The following ABCA7 variants were observed in gnomAD, a reference collection of about 807,000 sequenced individuals.
The protein encoded by ABCA7 is ATP binding cassette subfamily A member 7, also known as phospholipid-transporting ATPase ABCA7.
Under a neutral mutation model 227.6 loss-of-function variants are expected in ABCA7, and 261 were observed. The ratio of observed to expected loss-of-function variants is 1.15; its 90% CI spans 1.04 to 1.27. ABCA7 has a LOEUF of 1.27. ABCA7 is among the 50% of genes most tolerant of loss of function. The pLI is 0.00. For missense variants in ABCA7, 3,331 were observed against 2,924.5 expected (o/e 1.14, Z -3.21); for synonymous variants, 1,488 against 1,279.7 (o/e 1.16, Z -3.47).
In ABCA7 at chr19:1,044,991, G is replaced by C. The variant is rs754187080; in HGVS notation, c.1216-11G>C. ...ACCCCAGCGCCTAGGACTCACCCCC[G>C]CATCCCACAGTGCCTGTCCTTGGAC... On this transcript the variant is annotated splice_polypyrimidine_tract_variant and intron_variant, in intron 11 of 46. Coordinates refer to ENST00000263094, the MANE Select transcript of ABCA7 (RefSeq NM_019112.4). 6.2e-7 allele frequency: 1 copy of C among 1,611,758 alleles called. No individual in the cohort carries two copies. Among genetic ancestry groups the C allele is most frequent in the Admixed American group, 1.7e-5 (1 of 59,978 alleles).
intron 7 of ABCA7, 83 bp downstream of exon 7, chr19:1,042,909 G>A: frequency 2.0e-6 from 3 of 1,512,878 alleles, no homozygotes; most frequent in East Asian, 2.3e-5. Context: ...GGCAGCCCGG[G>A]CACTTCCCTT....
At chr19:1,061,385 C>T (rs1213710897) in intron 40 of ABCA7, among the ~76,000 whole-genome samples, 8 of 103,326 alleles carry the variant, frequency 7.7e-5, no homozygotes, top group Admixed American at 5.0e-4. Context: ...AGCAAGGCTC[C>T]GTCTCAAAAA....
chr19:1,054,511 C>T lies in ABCA7; in HGVS notation c.3727-59C>T. ...GGTGGTTGTAGAGCAGGAGCAGGGA[C>T]AGGTGCAAGCAAGCCTGGAGGGTGG... is the stretch of plus-strand genomic sequence containing the variant. On this transcript the variant is annotated intron_variant, in intron 27 of 46. Coordinates refer to ENST00000263094, the MANE Select transcript of ABCA7 (RefSeq NM_019112.4). The surrounding 1 kb of genome is among the most constrained non-coding windows in gnomAD (Gnocchi z 4.8). The T allele has an allele frequency of 8.2e-6, 13 of 1,585,804 alleles. No homozygotes were observed. The highest frequency in any genetic ancestry group is 1.1e-5 in the Non-Finnish European group (13 of 1,163,914).
Position 1,064,927 on chromosome 19 carries a change from G to A in ABCA7, c.6045-4G>A. The stretch of plus-strand genomic sequence containing the variant: ...TCCGGTAGCCCTGGCCCCACTCACT[G>A]CAGATTCGCGGCGGGTCACACACTG... On this transcript the variant is annotated splice_polypyrimidine_tract_variant and splice_region_variant and intron_variant, in intron 45 of 46. Coordinates refer to ENST00000263094, the MANE Select transcript of ABCA7 (RefSeq NM_019112.4). 1.9e-6 allele frequency: 3 copies of A among 1,557,384 alleles called. No individual in the cohort carries two copies. The highest frequency in any genetic ancestry group is 2.6e-6 in the Non-Finnish European group (3 of 1,152,088).
Position 1,056,944 on chromosome 19 carries a change from G to T in ABCA7, c.4624G>T (p.Val1542Leu). The change falls in exon 34 of 47, where the codon GTG becomes TTG. Residue 1542 changes from valine (V) to leucine (L), a missense_variant. Val to Leu is a conservative substitution (Grantham distance 32). Transcript: ENST00000263094. This position sits in a 1 kb window ranked among gnomAD's most constrained non-coding sequence, Gnocchi z 4.3. ...GGTGGACGTCCTCGTCTCCATCTGT[G>T]TGGTCTTTGCCATGTCCTTTGTCCC... ...SSVDVLVSIC[V>L]VFAMSFVPAS... The T allele has an allele frequency of 6.2e-7, 1 of 1,614,038 alleles. No homozygotes were observed.
Position 1,047,033 on chromosome 19 carries a change from G to A in ABCA7, c.1845+9G>A, listed in dbSNP as rs548005256. The A allele has an allele frequency of 7.3e-5, 114 of 1,555,458 alleles. No individual in the cohort carries two copies. Among genetic ancestry groups the A allele is most frequent in the South Asian group, 2.7e-4 (23 of 85,252 alleles). ...TGGTTCTGGTGCTCAAGGTGGGCGC[G>A]CCTCGGCCTGCCCGGCTGCAGAATG... On this transcript the variant is annotated intron_variant, in intron 14 of 46. Coordinates refer to ENST00000263094, the MANE Select transcript of ABCA7 (RefSeq NM_019112.4).
In ABCA7 at chr19:1,056,252, T is replaced by TG. The variant is rs546021572; in HGVS notation, c.4416+16dup. 2.1e-5 allele frequency: 33 copies of TG among 1,590,060 alleles called. No homozygotes were observed. Among genetic ancestry groups the TG allele is most frequent in the Middle Eastern group, 1.7e-4 (1 of 5,988 alleles). ...CTCAGGACAGTCTCAAGGTGGGAAC[T>TG]GGGGGGGCAGGTGGGCGTCCTGTCA... On this transcript the variant is annotated intron_variant, in intron 32 of 46. Transcript: ENST00000263094. This position sits in a 1 kb window ranked among gnomAD's most constrained non-coding sequence, Gnocchi z 4.3.
At chr19:1,057,828 G>C (rs1431512583) in intron 35 of ABCA7, 87 bp from the exon 36 acceptor site, 1 of 1,503,168 alleles carries the variant, frequency 6.7e-7, no homozygotes, top group East Asian at 2.3e-5. Flanking sequence ...AAGGTCTAAG[G>C]CAGAGAAGAT....
chr19:1,062,806 CCATGTTGGCTCCACCCA>C (rs1212008906), intron 42 of ABCA7, among the ~76,000 whole-genome samples: 3 of 150,740 alleles, frequency 2.0e-5, no homozygotes, highest in African/African-American at 7.3e-5. Flanking sequence ...TGCCTCATAC[CCATGTTGGCTCCACCCA>C]CACCATGGCC....
Position 1,056,563 on chromosome 19 carries a change from T to G in ABCA7, c.4586+64T>G. 1 of 1,526,296 alleles carries G rather than the reference T, an allele frequency of 6.6e-7. No homozygotes were observed. The highest frequency in any genetic ancestry group is 2.4e-5 in the East Asian group (1 of 41,524). The allele number at this position is 1,526,296 out of a possible 1,614,324, so 94.5% of individuals were successfully genotyped here. A position where few individuals can be genotyped will look rare whatever the true frequency, so the allele number is the denominator to read the frequency against. On this transcript the variant is annotated intron_variant, in intron 33 of 46. Transcript: ENST00000263094. This position sits in a 1 kb window ranked among gnomAD's most constrained non-coding sequence, Gnocchi z 4.3. ...CTACCCTGCCTCCATTTCTCTGTCGTTTGGGGTGGTGGGAGCTGGATTTGA... is the reference window on the plus strand; with the variant it reads ...CTACCCTGCCTCCATTTCTCTGTCGGTTGGGGTGGTGGGAGCTGGATTTGA...
intron 18 of ABCA7, among the ~76,000 whole-genome samples, chr19:1,050,046 G>A (rs907090968): frequency 3.2e-5 from 4 of 126,170 alleles, no homozygotes; most frequent in South Asian, 2.8e-4. Flanking sequence ...TGAGGCCCCC[G>A]ACCAGTCCCT....
Position 1,056,981 on chromosome 19 carries a change from C to A in ABCA7, c.4661C>A (p.Thr1554Asn), listed in dbSNP as rs1555697234. 6.2e-7 allele frequency: 1 copy of A among 1,614,050 alleles called. No homozygotes were observed. Among genetic ancestry groups the A allele is most frequent in the South Asian group, 1.1e-5 (1 of 91,090 alleles). ...ATGTCCTTTGTCCCGGCCAGCTTCACTCTTGTCCTCATTGAGGAGCGAGTC... is the reference window on the plus strand; with the variant it reads ...ATGTCCTTTGTCCCGGCCAGCTTCAATCTTGTCCTCATTGAGGAGCGAGTC... ...FAMSFVPASFTLVLIEERVTR... is the reference protein window; with the variant it reads ...FAMSFVPASFNLVLIEERVTR... Residue 1554 changes from threonine to asparagine, a missense_variant, in exon 34 of 47, where the codon ACT becomes AAT. Transcript: ENST00000263094. This position sits in a 1 kb window ranked among gnomAD's most constrained non-coding sequence, Gnocchi z 4.3.
intron 40 of ABCA7, among the ~76,000 whole-genome samples, chr19:1,060,207 A>ATATATATATATATATATATTTTT: frequency 2.1e-5 from 2 of 96,858 alleles, no homozygotes; most frequent in African/African-American, 7.0e-5. Flanking sequence ...ATATATATAT[A>ATATATATATATATATATATTTTT]TTTTTTTTTC....
chr19:1,053,421 T>C lies in ABCA7; in HGVS notation c.3313T>C (p.Tyr1105His), dbSNP rs1480085668. The change falls in exon 24 of 47, where the codon TAC becomes CAC. Residue 1105 changes from tyrosine to histidine, a missense_variant. Physicochemically the swap from Tyr to His is moderately conservative, Grantham distance 83. Coordinates refer to ENST00000263094, the MANE Select transcript of ABCA7 (RefSeq NM_019112.4). ...LPHELVLVLP[Y>H]TGAHDGSFAT... is the part of the protein sequence containing the mutation. ...ACACGAGCTGGTGCTGGTGCTGCCC[T>C]ACACGGGTGCCCATGACGGCAGCTT... The C allele has an allele frequency of 6.2e-7, 1 of 1,607,414 alleles. No homozygotes were observed. Among genetic ancestry groups the C allele is most frequent in the Admixed American group, 1.7e-5 (1 of 59,564 alleles).
intron 12 of ABCA7, 63 bp from the exon 13 acceptor site, chr19:1,046,167 C>T: frequency 6.4e-7 from 1 of 1,567,738 alleles, no homozygotes; most frequent in Non-Finnish European, 8.6e-7. Flanking sequence ...AAAGGTTATT[C>T]AGGGTGGGGC....
In ABCA7 at chr19:1,053,477, G is replaced by A; in HGVS notation, c.3369G>A (p.Arg1123=). 3 of 1,588,722 alleles carry A rather than the reference G, an allele frequency of 1.9e-6. No individual in the cohort carries two copies. The highest frequency in any genetic ancestry group is 2.6e-6 in the Non-Finnish European group (3 of 1,170,714). ...FATLFRELDT[R]LAELRLTGYG... is the part of the protein sequence containing the mutation. ...CACTCTTCCGAGAGCTAGACACGCG[G>A]CTGGCGGAGCTGAGGCTCACTGGCT... Residue 1123 remains arginine (R), a synonymous_variant, in exon 24 of 47, where the codon CGG becomes CGA. Transcript: ENST00000263094.
Position 1,049,313 on chromosome 19 carries a change from C to G in ABCA7, c.2428C>G (p.Arg810Gly). Residue 810 changes from arginine (R) to glycine (G), a missense_variant, in exon 18 of 47, where the codon CGC (arginine) becomes GGC (glycine). Coordinates refer to ENST00000263094, the MANE Select transcript of ABCA7 (RefSeq NM_019112.4). ...PPGLSPGVSV[R>G]SLEKRFPGSP... Reference sequence around the variant, plus strand: ...CGGCCTGAGTCCTGGCGTCTCCGTTCGCAGCCTGGAGAAGCGCTTTCCTGG... The same window carrying G: ...CGGCCTGAGTCCTGGCGTCTCCGTTGGCAGCCTGGAGAAGCGCTTTCCTGG... The G allele has an allele frequency of 6.2e-7, 1 of 1,611,450 alleles. No individual in the cohort carries two copies. The highest frequency in any genetic ancestry group is 1.3e-5 in the African/African-American group (1 of 74,912).
intron 7 of ABCA7, 94 bp downstream of exon 7, chr19:1,042,920 G>T (rs1275716937): frequency 6.0e-6 from 9 of 1,510,104 alleles, no homozygotes; most frequent in South Asian, 1.3e-5. Context: ...CACTTCCCTT[G>T]GGTGGGTTTT....
intron 41 of ABCA7, 106 bp from the exon 42 acceptor site, chr19:1,062,066 C>A: frequency 4.6e-6 from 7 of 1,528,590 alleles, no homozygotes; most frequent in Non-Finnish European, 6.2e-6. Context: ...ACCCCTGTCC[C>A]TTATCAGCGT....
Sources: gnomAD v4.1 joint callset for allele counts (sites outside exome capture counted in the v4.1 genomes callset) on GRCh38, gnomAD v4.1.1 for gene constraint, Gnocchi (gnomAD v3.1) non-coding constraint, MANE v1.5 for transcripts, NCBI Gene and HGNC (gene_info 2026-07-23, HGNC 2026-07-21) for gene names.